The following IL1RAPL1 variants were observed in gnomAD, a reference collection of about 807,000 sequenced individuals.
The protein encoded by IL1RAPL1 is interleukin 1 receptor accessory protein like 1, also known as interleukin-1 receptor accessory protein-like 1.
In IL1RAPL1, 3 loss-of-function variants were observed where a neutral mutation model predicts 48.4. That is an observed-to-expected ratio of 0.06 (90% CI 0.03 to 0.16). The LOEUF is 0.16. Among genes scored for constraint, IL1RAPL1 ranks in the 10% least tolerant of loss-of-function variants. IL1RAPL1 has a pLI of 1.00. For missense variants in IL1RAPL1, 349 were observed against 530.6 expected, an observed-to-expected ratio of 0.66 and a Z score of 3.36; for synonymous variants, 185 against 187.7, an observed-to-expected ratio of 0.99 and a Z score of 0.12.
intron 5 of IL1RAPL1, among the ~76,000 whole-genome samples, chrX:29,446,057 T>A (rs1280465357): frequency 8.9e-6 from 1 of 112,273 alleles, no homozygotes; most frequent in Non-Finnish European, 1.9e-5. Context: ...AACTACCAGT[T>A]GACTGAGTAC....
intron 2 of IL1RAPL1, among the ~76,000 whole-genome samples, chrX:28,946,712 A>G (rs750300263): frequency 9.9e-5 from 11 of 111,283 alleles, no homozygotes; most frequent in African/African-American, 3.6e-4. Context: ...AAAAATGAGT[A>G]AGACAGGGTT....
rs151255366 is a variant in IL1RAPL1, at chrX:29,851,083, G to A, written c.779-66381G>A. 6.5e-3 allele frequency among the ~76,000 whole-genome samples: 728 copies of A among 111,570 alleles called. 5 individuals carry two copies. Among genetic ancestry groups the A allele is most frequent in the Non-Finnish European group, 0.01 (548 of 53,136 alleles). On this transcript the variant is annotated intron_variant, in intron 6 of 10. Coordinates refer to ENST00000378993, the MANE Select transcript of IL1RAPL1 (RefSeq NM_014271.4). ...TGCCTTCAAAACTGCATTTTGATTCGTTTCTAATGGAAAAGGTGGGGCAGT... is the reference window on the plus strand; with the variant it reads ...TGCCTTCAAAACTGCATTTTGATTCATTTCTAATGGAAAAGGTGGGGCAGT...
chrX:28,762,967 C>A (rs1403436895), intron 1 of IL1RAPL1, among the ~76,000 whole-genome samples: 1 of 111,047 alleles, frequency 9.0e-6, no homozygotes, highest in Non-Finnish European at 1.9e-5. Context: ...GCCAGCTTTA[C>A]ATTTTTAGGC....
intron 1 of IL1RAPL1, among the ~76,000 whole-genome samples, chrX:28,788,652 TG>T (rs1356734497): frequency 9.9e-6 from 1 of 100,633 alleles, no homozygotes; most frequent in East Asian, 3.1e-4. Flanking sequence ...TTTTTTGTAG[TG>T]ATGGGGGTTT....
At chrX:29,731,883 TAAAGC>T (rs1927928204) in intron 6 of IL1RAPL1, among the ~76,000 whole-genome samples, 1 of 112,240 alleles carries the variant, frequency 8.9e-6, no homozygotes, top group Non-Finnish European at 1.9e-5. Flanking sequence ...TAAGAGATCT[TAAAGC>T]AGAACCTGGA....
chrX:28,967,958 G>T (rs1164820046), intron 2 of IL1RAPL1, among the ~76,000 whole-genome samples: 1 of 111,694 alleles, frequency 9.0e-6, no homozygotes, highest in Non-Finnish European at 1.9e-5. Flanking sequence ...CTCACTTTTG[G>T]TCCCTGTAGT....
chrX:29,328,846 CTT>C (rs1225277831), intron 3 of IL1RAPL1, among the ~76,000 whole-genome samples: 1 of 110,494 alleles, frequency 9.1e-6, no homozygotes, highest in East Asian at 2.8e-4. Context: ...TTTGATTTCT[CTT>C]AAAGTCGTAT....
intron 5 of IL1RAPL1, among the ~76,000 whole-genome samples, chrX:29,411,713 T>TC (rs1311825001): frequency 9.1e-6 from 1 of 109,719 alleles, no homozygotes; most frequent in African/African-American, 3.3e-5. Context: ...TACTTTTTTT[T>TC]TTTTTTTTAC....
intron 5 of IL1RAPL1, among the ~76,000 whole-genome samples, chrX:29,662,162 C>T (rs1398337981): frequency 3.6e-5 from 4 of 111,789 alleles, no homozygotes; most frequent in Non-Finnish European, 7.5e-5. Context: ...CATTGTCACT[C>T]TTTTTTTACA....
intron 2 of IL1RAPL1, among the ~76,000 whole-genome samples, chrX:29,199,058 G>A (rs981780171): frequency 9.0e-6 from 1 of 111,666 alleles, no homozygotes; most frequent in Non-Finnish European, 1.9e-5. Context: ...AATGCATGGA[G>A]AAAATGGAAC....
At chrX:29,308,707 G>T (rs1012831024) in intron 3 of IL1RAPL1, among the ~76,000 whole-genome samples, 2 of 112,065 alleles carry the variant, frequency 1.8e-5, no homozygotes, top group African/African-American at 6.5e-5. Context: ...AATTTCTTAA[G>T]GATCTGTCCT....
chrX:29,170,546 T>C (rs1013957898), intron 2 of IL1RAPL1, among the ~76,000 whole-genome samples: 1 of 111,465 alleles, frequency 9.0e-6, no homozygotes, highest in Non-Finnish European at 1.9e-5. Context: ...ACCTTGTCAG[T>C]TTTGTTTTAT....
chrX:29,476,553 C>A (rs12014776), intron 5 of IL1RAPL1, among the ~76,000 whole-genome samples: 9,320 of 110,868 alleles, frequency 0.084, 627 homozygotes, highest in African/African-American at 0.23. Flanking sequence ...TATCAATAAT[C>A]ATTAGATTAA....
chrX:29,672,182 C>CT (rs1217180755), intron 6 of IL1RAPL1, among the ~76,000 whole-genome samples: 2 of 111,474 alleles, frequency 1.8e-5, no homozygotes, highest in African/African-American at 6.5e-5. Context: ...TACCTATACA[C>CT]TTTCCCTCTG....
intron 6 of IL1RAPL1, among the ~76,000 whole-genome samples, chrX:29,763,997 A>AG (rs1928815639): frequency 9.0e-6 from 1 of 111,233 alleles, no homozygotes; most frequent in Non-Finnish European, 1.9e-5. Context: ...AAGGAAAAAA[A>AG]TTCTTTAAAT....
At chrX:28,664,191 A>T (rs1934850757) in intron 1 of IL1RAPL1, among the ~76,000 whole-genome samples, 1 of 112,703 alleles carries the variant, frequency 8.9e-6, no homozygotes, top group Admixed American at 9.4e-5. Flanking sequence ...AAACCAAAGT[A>T]TAAATCCATA....
chrX:28,781,897 A>G (rs1031274722), intron 1 of IL1RAPL1, among the ~76,000 whole-genome samples: 2 of 112,128 alleles, frequency 1.8e-5, no homozygotes, highest in African/African-American at 6.5e-5. Flanking sequence ...TATTGACATA[A>G]TAGTCATTTA....
At chrX:28,988,041 T>C (rs1484692946) in intron 2 of IL1RAPL1, among the ~76,000 whole-genome samples, 1 of 111,982 alleles carries the variant, frequency 8.9e-6, no homozygotes, top group African/African-American at 3.2e-5. Flanking sequence ...TGGAAAGTGA[T>C]TGCTTGAAAC....
intron 6 of IL1RAPL1, among the ~76,000 whole-genome samples, chrX:29,881,181 A>G (rs1420227053): frequency 2.7e-5 from 3 of 110,802 alleles, no homozygotes; most frequent in African/African-American, 9.8e-5. Flanking sequence ...TACTTTTTCA[A>G]TACTCATGAC....
Sources: allele counts gnomAD v4.1 joint callset (sites outside exome capture counted in the v4.1 genomes callset), GRCh38; gene constraint gnomAD v4.1.1; transcripts MANE v1.5; gene names NCBI Gene and HGNC (gene_info 2026-07-23, HGNC 2026-07-21).